The following PTPRC variants were observed in gnomAD, a reference collection of about 807,000 sequenced individuals.
PTPRC encodes protein tyrosine phosphatase receptor type C.
Under a neutral mutation model 155.9 loss-of-function variants are expected in PTPRC, and 44 were observed. That is an observed-to-expected ratio of 0.28 (90% CI 0.22 to 0.36). PTPRC has a LOEUF of 0.36. PTPRC is among the 10% of genes least tolerant of loss of function. PTPRC has a pLI of 1.00. For missense variants in PTPRC, 1,401 were observed against 1,564.6 expected (o/e 0.90, Z 1.76); for synonymous variants, 525 against 533.1 (o/e 0.98, Z 0.21).
At position 198,752,595 on chromosome 1, in the gene PTPRC, G is replaced by C; in HGVS notation, c.3332G>C (p.Arg1111Thr). 1.2e-6 allele frequency: 2 copies of C among 1,611,906 alleles called. No individual in the cohort carries two copies. The highest frequency in any genetic ancestry group is 2.2e-5 in the South Asian group (2 of 91,024). Residue 1111 changes from arginine (R) to threonine (T), a missense_variant and splice_region_variant, in exon 31 of 33, where the codon AGG becomes ACG. This residue lies in a region of PTPRC where 400 missense variants were observed against 389.5 expected (regional missense o/e 1.03). Transcript: ENST00000442510. Reference protein sequence around the residue: ...LRVFELRHSKRKDSRTVYQYQ... With the variant: ...LRVFELRHSKTKDSRTVYQYQ... ...TGCTCTCTTCAATTCTGATTTTAGA[G>C]GAAAGACTCTCGAACTGTGTACCAG...
chr1:198,737,917 T>C (rs1335762127), intron 23 of PTPRC, among the ~76,000 whole-genome samples: 2 of 151,802 alleles, frequency 1.3e-5, no homozygotes, highest in African/African-American at 4.8e-5. Context: ...GTTGTTTTTA[T>C]CTATTGCAAA....
chr1:198,668,109 A>T (rs1222230443), intron 2 of PTPRC, among the ~76,000 whole-genome samples: 1 of 152,226 alleles, frequency 6.6e-6, no homozygotes, highest in Non-Finnish European at 1.5e-5. Context: ...AGAAATAAAC[A>T]TTGGACAACC....
chr1:198,706,765 C>T lies in PTPRC; in HGVS notation c.717C>T (p.Tyr239=). The stretch of plus-strand genomic sequence containing the variant: ...AATATGCAAACATCACTGTGGATTA[C>T]TTATATAACAAGGAAACTAAATTAT... ...DEKYANITVD[Y]LYNKETKLFT... is the part of the protein sequence containing the mutation. The change falls in exon 9 of 33, where the codon TAC becomes TAT. Residue 239 remains tyrosine (Y), a synonymous_variant. Coordinates refer to ENST00000442510, the MANE Select transcript of PTPRC (RefSeq NM_002838.5). 1 of 1,611,192 alleles carries T rather than the reference C, an allele frequency of 6.2e-7. No homozygotes were observed. Among genetic ancestry groups the T allele is most frequent in the Non-Finnish European group, 8.5e-7 (1 of 1,178,328 alleles).
chr1:198,682,700 C>CT (rs142450578), intron 2 of PTPRC, among the ~76,000 whole-genome samples: 6,526 of 152,010 alleles, frequency 0.043, 434 homozygotes, highest in African/African-American at 0.14. Context: ...ATAATCATAA[C>CT]TTTTTTTTGC....
chr1:198,680,062 C>G, intron 2 of PTPRC: 1 of 473,140 alleles, frequency 2.1e-6, no homozygotes, highest in South Asian at 3.2e-5. Context: ...GAACGCAGCG[C>G]GCAGCTGGGA....
chr1:198,715,061 A>G (rs1409976383), intron 12 of PTPRC, among the ~76,000 whole-genome samples: 1 of 152,158 alleles, frequency 6.6e-6, no homozygotes, highest in African/African-American at 2.4e-5. Context: ...ACTGAGGTTA[A>G]CAGAAAATGT....
At chr1:198,714,939 GT>G (rs1215205414) in intron 12 of PTPRC, among the ~76,000 whole-genome samples, 1 of 151,964 alleles carries the variant, frequency 6.6e-6, no homozygotes, top group African/African-American at 2.4e-5. Flanking sequence ...CATTAATTTA[GT>G]TTTATTGGTT....
intron 20 of PTPRC, among the ~76,000 whole-genome samples, chr1:198,733,386 G>A (rs1301927722): frequency 6.6e-6 from 1 of 151,860 alleles, no homozygotes; most frequent in Middle Eastern, 3.4e-3. Flanking sequence ...TTGACATATT[G>A]TAGCTATTCA....
At chr1:198,740,158 T>G (rs1654832859) in intron 23 of PTPRC, among the ~76,000 whole-genome samples, 1 of 150,830 alleles carries the variant, frequency 6.6e-6, no homozygotes, top group African/African-American at 2.4e-5. Context: ...TTCAAAGAAC[T>G]AGAAAAGCAA....
At chr1:198,735,303 A>G in intron 23 of PTPRC, 51 bp downstream of exon 23, 1 of 1,399,000 alleles carries the variant, frequency 7.1e-7, no homozygotes, top group Non-Finnish European at 9.9e-7. Context: ...TTATAAAAAT[A>G]TAATTATGGA....
chr1:198,650,635 A>C (rs554571407), intron 2 of PTPRC, among the ~76,000 whole-genome samples: 2 of 151,904 alleles, frequency 1.3e-5, no homozygotes, highest in South Asian at 4.1e-4. Context: ...AATCCGTTGG[A>C]GATAAGAGGC....
intron 2 of PTPRC, among the ~76,000 whole-genome samples, chr1:198,639,994 C>T (rs189642602): frequency 1.4e-4 from 22 of 151,858 alleles, no homozygotes; most frequent in African/African-American, 4.6e-4. Context: ...GTGGAGCCAC[C>T]GCCCTTCCTG....
At position 198,734,214 on chromosome 1, in the gene PTPRC, A is replaced by C; in HGVS notation, c.2161A>C (p.Lys721Gln). ...SYIDGFKEPR[K>Q]YIAAQGPRDE... Reference sequence around the variant, plus strand: ...TCAATAGGGTTTCAAAGAACCCAGGAAATACATTGCTGCACAAGGTAATTT... The same window carrying C: ...TCAATAGGGTTTCAAAGAACCCAGGCAATACATTGCTGCACAAGGTAATTT... Residue 721 changes from lysine to glutamine, a missense_variant, in exon 21 of 33, where the codon AAA becomes CAA. Lys to Gln is a moderately conservative substitution (Grantham distance 53, BLOSUM62 1). Coordinates refer to ENST00000442510, the MANE Select transcript of PTPRC (RefSeq NM_002838.5). The C allele has an allele frequency of 6.2e-7, 1 of 1,610,938 alleles. No individual in the cohort carries two copies. The highest frequency in any genetic ancestry group is 8.5e-7 in the Non-Finnish European group (1 of 1,177,992).
chr1:198,706,722 AT>A lies in PTPRC; in HGVS notation c.686-8del, dbSNP rs1302343838. The A allele has an allele frequency of 1.2e-6, 2 of 1,603,176 alleles. No homozygotes were observed. Among genetic ancestry groups the A allele is most frequent in the Admixed American group, 1.7e-5 (1 of 59,856 alleles). ...CTGGAAAAATAACACTCAATGTTCT[AT>A]TTTCTTTTAGATGAAAAATATGCAA... On this transcript the variant is annotated splice_polypyrimidine_tract_variant and intron_variant, in intron 8 of 32. Transcript: ENST00000442510.
chr1:198,741,125 C>T (rs1373643067), intron 23 of PTPRC, among the ~76,000 whole-genome samples: 1 of 151,860 alleles, frequency 6.6e-6, no homozygotes, highest in African/African-American at 2.4e-5. Flanking sequence ...TGATGCCTAT[C>T]TGGCTACATT....
chr1:198,652,735 C>G (rs1663322824), intron 2 of PTPRC, among the ~76,000 whole-genome samples: 1 of 151,606 alleles, frequency 6.6e-6, no homozygotes, highest in African/African-American at 2.4e-5. Context: ...TCCAGAGGCT[C>G]AAGGAATAAG....
intron 4 of PTPRC, among the ~76,000 whole-genome samples, chr1:198,697,996 A>T (rs1666286381): frequency 6.6e-6 from 1 of 152,190 alleles, no homozygotes. Context: ...AAATTTGAAC[A>T]CATTGCCCAA....
Position 198,699,546 on chromosome 1 carries a change from C to A in PTPRC, c.299-18C>A. 1 of 1,614,128 alleles carries A rather than the reference C, an allele frequency of 6.2e-7. No individual in the cohort carries two copies. The highest frequency in any genetic ancestry group is 8.5e-7 in the Non-Finnish European group (1 of 1,179,970). ...AGTGGGGGAAGACTGATGTAATGAT[C>A]TCACTTTCCTACCTTAGGTGTTTCA... On this transcript the variant is annotated intron_variant, in intron 4 of 32. Transcript: ENST00000442510.
At chr1:198,723,048 A>G (rs1653966222) in intron 15 of PTPRC, among the ~76,000 whole-genome samples, 1 of 151,178 alleles carries the variant, frequency 6.6e-6, no homozygotes, top group Non-Finnish European at 1.5e-5. Flanking sequence ...CCCCACCCAC[A>G]ATTCTGTTTG....
Sources: allele counts gnomAD v4.1 joint callset (sites outside exome capture counted in the v4.1 genomes callset), GRCh38; gene constraint gnomAD v4.1.1; regional missense constraint gnomAD v4.1.1; transcripts MANE v1.5; gene names NCBI Gene and HGNC (gene_info 2026-07-23, HGNC 2026-07-21).